Variants in DCAF12 observed in about 807,000 individuals in gnomAD.
DCAF12 encodes DDB1- and CUL4-associated factor 12.
Under a neutral mutation model 52.8 loss-of-function variants are expected in DCAF12, and 28 were observed. The observed-to-expected ratio is 0.53, with a 90% CI of 0.39 to 0.73. The LOEUF is 0.73. Among genes scored for constraint, DCAF12 ranks in the 30% least tolerant of loss-of-function variants. The pLI is 0.00. For synonymous variants in DCAF12, 196 were observed against 215.5 expected (o/e 0.91, Z 0.79); for missense variants, 425 against 552.2 (o/e 0.77, Z 2.31).
chr9:34,089,789 A>C (rs1163991103), intron 7 of DCAF12, 199 bp from the exon 8 acceptor site: 1 of 474,350 alleles, frequency 2.1e-6, no homozygotes, highest in African/African-American at 2.0e-5. Flanking sequence ...CATCCTGCCT[A>C]TCCACACACT....
At chr9:34,115,239 A>C (rs1037939045) in intron 2 of DCAF12, among the ~76,000 whole-genome samples, 1 of 151,944 alleles carries the variant, frequency 6.6e-6, no homozygotes, top group African/African-American at 2.4e-5. Context: ...AGCAAAGGAG[A>C]GAGCCAAGAC....
chr9:34,098,240 A>G, intron 5 of DCAF12, 84 bp downstream of exon 5: 1 of 1,398,282 alleles, frequency 7.2e-7, no homozygotes, highest in Non-Finnish European at 9.9e-7. Flanking sequence ...TGTAGCAAGC[A>G]CTGATGGGGA....
rs967901824 is a variant in DCAF12 at position 34,088,240 on chromosome 9, G to A, written c.*110C>T. 8.0e-6 allele frequency: 10 copies of A among 1,250,842 alleles called. No homozygotes were observed. Among genetic ancestry groups the A allele is most frequent in the East Asian group, 2.6e-5 (1 of 38,378 alleles). The allele number at this position is 1,250,842 out of a possible 1,614,324, so 77.5% of individuals were successfully genotyped here. A position where few individuals can be genotyped will look rare whatever the true frequency, so the allele number is the denominator to read the frequency against. Reference sequence around the variant, plus strand: ...GCCTAAACTATAGGCAAACTTTGGTGTTCCCACTAAAACACAAGAGCCTCA... The same window carrying A: ...GCCTAAACTATAGGCAAACTTTGGTATTCCCACTAAAACACAAGAGCCTCA... On this transcript the variant is annotated 3_prime_UTR_variant, in exon 9 of 9. Transcript: ENST00000361264.
At chr9:34,095,071 G>C (rs990651128) in intron 6 of DCAF12, among the ~76,000 whole-genome samples, 1 of 141,468 alleles carries the variant, frequency 7.1e-6, no homozygotes, top group African/African-American at 2.7e-5. Flanking sequence ...AAAAAGTTTT[G>C]GACTTTGGAG....
Position 34,088,443 on chromosome 9 carries a change from G to A in DCAF12, c.1269C>T (p.Thr423=). ...DIDFFPNAVY[T]HCYDSSGTKL... ...TCGTTCCAGACGAGTCGTAGCAGTG[G>A]GTGTAAACAGCATTGGGGAAGAAGT... Residue 423 remains threonine (T), a synonymous_variant, in exon 9 of 9, where the codon ACC becomes ACT. Transcript: ENST00000361264. 1 of 1,614,184 alleles carries A rather than the reference G, an allele frequency of 6.2e-7. No individual in the cohort carries two copies. Among genetic ancestry groups the A allele is most frequent in the East Asian group, 2.2e-5 (1 of 44,884 alleles).
chr9:34,104,814 G>C (rs1439390897), intron 4 of DCAF12, among the ~76,000 whole-genome samples: 1 of 151,550 alleles, frequency 6.6e-6, no homozygotes, highest in African/African-American at 2.4e-5. Context: ...CTACTCAGGA[G>C]GCTGAGGCAG....
chr9:34,093,609 G>A (rs1251170000), intron 6 of DCAF12, 161 bp from the exon 7 acceptor site: 6 of 677,700 alleles, frequency 8.9e-6, no homozygotes, highest in Non-Finnish European at 4.9e-6. Context: ...TAGGTATACA[G>A]GAGAAAGAGG....
Position 34,117,156 on chromosome 9 carries a change from C to T in DCAF12, c.333+7867G>A, listed in dbSNP as rs74731669. ...ATGTTTCGCCACAGAATCATGACTT[C>T]GTGGAAGGAGGGCCACATTAGGATT... is the stretch of plus-strand genomic sequence containing the variant. On this transcript the variant is annotated intron_variant, in intron 2 of 8. Transcript: ENST00000361264. Among the ~76,000 whole-genome samples the T allele has an allele frequency of 6.2e-3, 946 of 152,114 alleles. 4 individuals carry two copies. The highest frequency in any genetic ancestry group is 0.017 in the Middle Eastern group (5 of 292).
intron 2 of DCAF12, among the ~76,000 whole-genome samples, chr9:34,121,715 C>CAG (rs536631615): frequency 2.0e-3 from 297 of 152,248 alleles, no homozygotes; most frequent in Non-Finnish European, 3.3e-3. Context: ...GAGGCCAAGG[C>CAG]AGGCGGATCA....
intron 2 of DCAF12, among the ~76,000 whole-genome samples, chr9:34,124,553 T>A (rs953975347): frequency 1.3e-5 from 2 of 152,242 alleles, no homozygotes; most frequent in Non-Finnish European, 2.9e-5. Flanking sequence ...GTTCATGTAT[T>A]TCTCATATTT....
intron 6 of DCAF12, 27 bp from the exon 7 acceptor site, chr9:34,093,475 T>C (rs1828682681): frequency 6.2e-7 from 1 of 1,611,076 alleles, no homozygotes; most frequent in African/African-American, 1.3e-5. Context: ...GATATAACCA[T>C]GGCATCAGCA....
chr9:34,092,297 T>C (rs1828657283), intron 7 of DCAF12, among the ~76,000 whole-genome samples: 1 of 152,198 alleles, frequency 6.6e-6, no homozygotes, highest in African/African-American at 2.4e-5. Flanking sequence ...CTCATGCCCT[T>C]TGTAAACTTC....
rs773121323 is a variant in DCAF12 at position 34,096,755 on chromosome 9, G to T, written c.822C>A (p.Gly274=). 172 of 1,613,902 alleles carry T rather than the reference G, an allele frequency of 1.1e-4. 1 individual carries two copies. Among genetic ancestry groups the T allele is most frequent in the Non-Finnish European group, 1.4e-4 (165 of 1,180,004 alleles). The change falls in exon 6 of 9, where the codon GGC becomes GGA. Residue 274 remains glycine (G), a synonymous_variant. Coordinates refer to ENST00000361264, the MANE Select transcript of DCAF12 (RefSeq NM_015397.4). ...TTTCAGCCTTCCAGAGATGAAAGTA[G>T]CCATCCAGAGACACTGCTCCCAGTT... ...NKELGAVSLD[G]YFHLWKAENT...
chr9:34,109,012 T>A (rs1587737470), intron 2 of DCAF12, among the ~76,000 whole-genome samples: 1 of 149,796 alleles, frequency 6.7e-6, no homozygotes. Context: ...ATGGTTTTTT[T>A]TTTTTTCACT....
At chr9:34,091,639 CAAAAAAA>C (rs34922785) in intron 7 of DCAF12, among the ~76,000 whole-genome samples, 5 of 80,508 alleles carry the variant, frequency 6.2e-5, no homozygotes, top group Non-Finnish European at 1.1e-4. Flanking sequence ...ACCCTGTCTT[CAAAAAAA>C]AAAAAAAAAA....
intron 8 of DCAF12, 124 bp from the exon 9 acceptor site, chr9:34,088,632 G>A: frequency 9.4e-7 from 1 of 1,063,864 alleles, no homozygotes; most frequent in South Asian, 1.4e-5. Flanking sequence ...ACAACCTCAT[G>A]TCAGGAGATT....
At chr9:34,111,011 A>C (rs1162257389) in intron 2 of DCAF12, among the ~76,000 whole-genome samples, 1 of 142,412 alleles carries the variant, frequency 7.0e-6, no homozygotes, top group South Asian at 2.2e-4. Context: ...TTTGAGACCA[A>C]GTCTTGCTCT....
chr9:34,096,086 T>C (rs1166566550), intron 6 of DCAF12: 3 of 152,164 alleles, frequency 2.0e-5, no homozygotes, highest in Non-Finnish European at 2.9e-5. Context: ...CCAGGTGCAA[T>C]GGTTCATGCC....
intron 4 of DCAF12, among the ~76,000 whole-genome samples, chr9:34,101,251 A>AT (rs1323796807): frequency 6.6e-6 from 1 of 150,894 alleles, no homozygotes; most frequent in African/African-American, 2.4e-5. Context: ...TTTTATTTTC[A>AT]TTTTTTTGTA....
Sources: allele counts gnomAD v4.1 joint callset (sites outside exome capture counted in the v4.1 genomes callset), GRCh38; gene constraint gnomAD v4.1.1; transcripts MANE v1.5; gene names NCBI Gene and HGNC (gene_info 2026-07-23, HGNC 2026-07-21).